Variants in ARFGAP1 observed in about 807,000 individuals in gnomAD.
ARFGAP1 encodes ARF GTPase activating protein 1.
In ARFGAP1, 26 loss-of-function variants were observed where a neutral mutation model predicts 54.0. The observed-to-expected ratio is 0.48, with a 90% CI of 0.35 to 0.67. ARFGAP1 has a LOEUF of 0.67. Ranked by LOEUF, ARFGAP1 falls within the 30% of genes least tolerant of loss-of-function variation. The probability of loss-of-function intolerance (pLI) is 0.00; values close to 1 mark genes in which losing one functional copy is unlikely to be tolerated. For missense variants in ARFGAP1, 525 were observed against 535.8 expected, an observed-to-expected ratio of 0.98 and a Z score of 0.20; for synonymous variants, 248 against 211.9, an observed-to-expected ratio of 1.17 and a Z score of -1.48.
At chr20:63,275,963 C>T in intron 2 of ARFGAP1, 128 bp from the exon 3 acceptor site, 3 of 810,932 alleles carry the variant, frequency 3.7e-6, no homozygotes, top group Non-Finnish European at 6.3e-6. Flanking sequence ...CACGCCTTGC[C>T]CTGACCCACA....
In ARFGAP1 at chr20:63,277,111, C is replaced by T. The variant is rs1266160244; in HGVS notation, c.343-94C>T. On this transcript the variant is annotated intron_variant, in intron 4 of 12. Transcript: ENST00000370283. ...AGGAGGCTGCGGGTGGTGGGTGCTC[C>T]AGGCGGGCCGTGGGGGGTGCGCTGG... 1.4e-5 allele frequency: 15 copies of T among 1,083,550 alleles called. 1 individual carries two copies. Among genetic ancestry groups the T allele is most frequent in the Middle Eastern group, 4.5e-4 (2 of 4,468 alleles). The allele number at this position is 1,083,550 out of a possible 1,614,324, so 67.1% of individuals were successfully genotyped here. A position where few individuals can be genotyped will look rare whatever the true frequency, so the allele number is the denominator to read the frequency against.
rs766439719 is a variant in ARFGAP1 at position 63,285,640 on chromosome 20, C to A, written c.775-14C>A. 2 of 1,613,304 alleles carry A rather than the reference C, an allele frequency of 1.2e-6. No homozygotes were observed. The highest frequency in any genetic ancestry group is 4.5e-5 in the East Asian group (2 of 44,880). On this transcript the variant is annotated splice_polypyrimidine_tract_variant and intron_variant, in intron 10 of 12. Coordinates refer to ENST00000370283, the MANE Select transcript of ARFGAP1 (RefSeq NM_018209.4). The stretch of plus-strand genomic sequence containing the variant: ...CTCCCGCCCCCATTAATGCCGCTGT[C>A]TTCATCCGTGCAGGTGAAGGAGGGA...
rs753829931 is a variant in ARFGAP1, at chr20:63,276,051, C to T, written c.61-40C>T. 22 of 1,584,892 alleles carry T rather than the reference C, an allele frequency of 1.4e-5. No individual in the cohort carries two copies. The highest frequency in any genetic ancestry group is 1.9e-5 in the Non-Finnish European group (22 of 1,154,458). On this transcript the variant is annotated intron_variant, in intron 2 of 12. Transcript: ENST00000370283. The surrounding 1 kb of genome is among the most constrained non-coding windows in gnomAD (Gnocchi z 5.2). ...GGGTCTTTGGGGTCCCTGGGCTCTG[C>T]CCTGAGCCACCTGGTGAGTCACTTG...
chr20:63,287,680 C>G lies in ARFGAP1; in HGVS notation c.1028C>G (p.Ser343Cys), dbSNP rs142767635. 3 of 1,612,522 alleles carry G rather than the reference C, an allele frequency of 1.9e-6. No individual in the cohort carries two copies. Among genetic ancestry groups the G allele is most frequent in the Non-Finnish European group, 2.5e-6 (3 of 1,179,894 alleles). Residue 343 changes from serine to cysteine, a missense_variant, in exon 13 of 13, where the codon TCC becomes TGC. Ser to Cys is a moderately radical substitution (Grantham distance 112). Around this residue, in one of 3 missense-constraint regions of ARFGAP1, gnomAD observed 466 missense variants for 453.6 expected, o/e 1.03. Coordinates refer to ENST00000370283, the MANE Select transcript of ARFGAP1 (RefSeq NM_018209.4). ...GSAEPTKTRK[S>C]PSSDSWTCAD... is the part of the protein sequence containing the mutation. ...GCTGAGCCCACCAAGACCCGCAAGT[C>G]CCCGAGCAGCGACAGCTGGACGTGC...
At chr20:63,282,704 G>A in intron 8 of ARFGAP1, 115 bp from the exon 9 acceptor site, 2 of 1,066,276 alleles carry the variant, frequency 1.9e-6, no homozygotes, top group South Asian at 2.6e-5. Flanking sequence ...CAGAGCCGCT[G>A]GCAGCCCGGG....
intron 9 of ARFGAP1, 24 bp downstream of exon 9, chr20:63,282,875 C>G (rs773491022): frequency 3.1e-6 from 5 of 1,613,622 alleles, no homozygotes; most frequent in Non-Finnish European, 4.2e-6. Flanking sequence ...AGCTTCTGCA[C>G]CCTGGTGCAT....
intron 9 of ARFGAP1, chr20:63,284,437 T>C: frequency 9.2e-6 from 10 of 1,083,272 alleles, no homozygotes; most frequent in Non-Finnish European, 1.1e-5. Context: ...CTTCTTCCTA[T>C]GGCCCCAGCC....
chr20:63,287,180 C>T (rs1377671889), intron 12 of ARFGAP1, among the ~76,000 whole-genome samples: 1 of 152,274 alleles, frequency 6.6e-6, no homozygotes, highest in Non-Finnish European at 1.5e-5. Flanking sequence ...AGGGCAGGGC[C>T]AGATCTGGGG....
rs1275603400 is a variant in ARFGAP1 at position 63,273,098 on chromosome 20, G to C, written c.-5+178G>C. 4.8e-5 allele frequency: 7 copies of C among 146,836 alleles called. No individual in the cohort carries two copies. In the South Asian group the frequency reaches 8.5e-4, roughly 18 times the overall value. The allele number at this position is 146,836 out of a possible 1,614,324, so 9.1% of individuals were successfully genotyped here. A position where few individuals can be genotyped will look rare whatever the true frequency, so the allele number is the denominator to read the frequency against. ...CACCCTGACCTCCCCCAGTTCCCTC[G>C]GCGCTGGGCGGCGGGGCCCTTCTCG... On this transcript the variant is annotated intron_variant, in intron 1 of 12. Coordinates refer to ENST00000370283, the MANE Select transcript of ARFGAP1 (RefSeq NM_018209.4).
In ARFGAP1 at chr20:63,288,977, C is replaced by T. The variant is rs546561944; in HGVS notation, c.*1104C>T. ...CCTGGTCACCCCACTTCCCGGTCGCCGTCTGCAGCACTCCTGGAGCAGCCT... is the reference window on the plus strand; with the variant it reads ...CCTGGTCACCCCACTTCCCGGTCGCTGTCTGCAGCACTCCTGGAGCAGCCT... On this transcript the variant is annotated 3_prime_UTR_variant, in exon 13 of 13. Transcript: ENST00000370283. The T allele has an allele frequency of 4.5e-4, 90 of 199,198 alleles. No homozygotes were observed. Among genetic ancestry groups the T allele is most frequent in the Middle Eastern group, 2.1e-3 (1 of 466 alleles). The allele number at this position is 199,198 out of a possible 1,614,324, so 12.3% of individuals were successfully genotyped here. A position where few individuals can be genotyped will look rare whatever the true frequency, so the allele number is the denominator to read the frequency against.
At chr20:63,277,385 C>A in intron 5 of ARFGAP1, 80 bp downstream of exon 5, 2 of 1,233,118 alleles carry the variant, frequency 1.6e-6, no homozygotes, top group African/African-American at 1.6e-5. Flanking sequence ...CAGAATTCTC[C>A]CCTTCTTTGC....
At chr20:63,280,143 GAAAA>G (rs924155349) in intron 7 of ARFGAP1, among the ~76,000 whole-genome samples, 1 of 146,502 alleles carries the variant, frequency 6.8e-6, no homozygotes, top group Non-Finnish European at 1.5e-5. Flanking sequence ...CTCCATCTCA[GAAAA>G]AAAAAAAGAT....
In ARFGAP1 at chr20:63,283,951, T is replaced by G. The variant is rs1356991351; in HGVS notation, c.718-915T>G. On this transcript the variant is annotated intron_variant, in intron 9 of 12. Transcript: ENST00000370283. ...GAATGTGCTTGGCTTCCTCTGTCCC[T>G]CCTGCGTGCTGCCACTGTCTTGTGT... is the stretch of plus-strand genomic sequence containing the variant. 4.4e-6 allele frequency: 7 copies of G among 1,598,220 alleles called. No homozygotes were observed. The Admixed American group carries it at 6.8e-5, about 15-fold the overall frequency.
rs1159728855 is a variant in ARFGAP1, at chr20:63,288,958, C to T, written c.*1085C>T. ...TCTGGCCTTGGCCATGCTCCCTGGTCACCCCACTTCCCGGTCGCCGTCTGC... is the reference window on the plus strand; with the variant it reads ...TCTGGCCTTGGCCATGCTCCCTGGTTACCCCACTTCCCGGTCGCCGTCTGC... On this transcript the variant is annotated 3_prime_UTR_variant, in exon 13 of 13. Transcript: ENST00000370283. The T allele has an allele frequency of 1.0e-5, 2 of 199,456 alleles. No homozygotes were observed. The highest frequency in any genetic ancestry group is 9.8e-5 in the South Asian group (1 of 10,222). 12.4% of individuals were successfully genotyped at this position (199,456 alleles called of 1,614,324 possible).
chr20:63,282,920 A>G, intron 9 of ARFGAP1, 69 bp downstream of exon 9: 1 of 1,533,400 alleles, frequency 6.5e-7, no homozygotes, highest in East Asian at 2.2e-5. Flanking sequence ...CACGTGCAGC[A>G]CCTGAAGCTG....
At position 63,277,262 on chromosome 20, in the gene ARFGAP1, T is replaced by C. The variant is rs1467405455; in HGVS notation, c.400T>C (p.Trp134Arg). Residue 134 changes from tryptophan to arginine, a missense_variant, in exon 5 of 13, where the codon TGG (tryptophan) becomes CGG (arginine). Physicochemically the swap from Trp to Arg is moderately radical, Grantham distance 101. Coordinates refer to ENST00000370283, the MANE Select transcript of ARFGAP1 (RefSeq NM_018209.4). ...TCTGGAGTCATCACCTGCCCAGAAC[T>C]GGACCCCACCTCAGCCCAGGACGCT... is the stretch of plus-strand genomic sequence containing the variant. ...WSLESSPAQNWTPPQPRTLPS... is the reference protein window; with the variant it reads ...WSLESSPAQNRTPPQPRTLPS... The C allele has an allele frequency of 2.5e-6, 4 of 1,613,128 alleles. No individual in the cohort carries two copies. The highest frequency in any genetic ancestry group is 3.4e-6 in the Non-Finnish European group (4 of 1,179,922).
chr20:63,283,997 T>C, intron 9 of ARFGAP1: 1 of 1,520,328 alleles, frequency 6.6e-7, no homozygotes, highest in Non-Finnish European at 8.9e-7. Context: ...GTGCGCACGC[T>C]CAGACCCTCT....
intron 7 of ARFGAP1, among the ~76,000 whole-genome samples, chr20:63,280,578 G>A (rs1288162701): frequency 4.6e-5 from 7 of 152,270 alleles, no homozygotes; most frequent in Admixed American, 1.3e-4. Flanking sequence ...GCTTCCAGTC[G>A]CTCGGGGTGG....
chr20:63,285,857 C>T, intron 11 of ARFGAP1, 144 bp downstream of exon 11: 1 of 1,442,176 alleles, frequency 6.9e-7, no homozygotes. Context: ...AGGAGAGCTG[C>T]CCAGCCTGAC....
Sources: gnomAD v4.1 joint callset for allele counts (sites outside exome capture counted in the v4.1 genomes callset) on GRCh38, gnomAD v4.1.1 for gene constraint, gnomAD v4.1.1 regional missense constraint, Gnocchi (gnomAD v3.1) non-coding constraint, MANE v1.5 for transcripts, NCBI Gene and HGNC (gene_info 2026-07-23, HGNC 2026-07-21) for gene names.